The following SLC2A7 variants were observed in gnomAD, a reference collection of about 807,000 sequenced individuals.
The protein encoded by SLC2A7 is solute carrier family 2, facilitated glucose transporter member 7.
Under a neutral mutation model 50.5 loss-of-function variants are expected in SLC2A7, and 50 were observed. That is an observed-to-expected ratio of 0.99 (90% CI 0.79 to 1.25). SLC2A7 has a LOEUF of 1.25. Ranked by LOEUF, SLC2A7 falls within the 50% of genes most tolerant of loss-of-function variation. The pLI is 0.00. For synonymous variants in SLC2A7, 308 were observed against 300.4 expected, an observed-to-expected ratio of 1.03 and a Z score of -0.26; for missense variants, 683 against 679.1, an observed-to-expected ratio of 1.01 and a Z score of -0.06.
At chr1:9,025,120 C>G (rs1296436856) in intron 1 of SLC2A7, 46 bp from the exon 2 acceptor site, 2 of 1,593,846 alleles carry the variant, frequency 1.3e-6, no homozygotes, top group African/African-American at 1.3e-5. Context: ...GCTTGGGCCT[C>G]GGGAAGTGGA....
chr1:9,005,793 AAAAAAAAGAAGG>A (rs1640645814), intron 10 of SLC2A7, among the ~76,000 whole-genome samples: 1 of 151,762 alleles, frequency 6.6e-6, no homozygotes, highest in Non-Finnish European at 1.5e-5. Flanking sequence ...AAAAAAAAAA[AAAAAAAAGAAGG>A]AAAAAAAGAA....
chr1:9,021,229 C>T (rs1394416527), intron 3 of SLC2A7, among the ~76,000 whole-genome samples: 4 of 152,168 alleles, frequency 2.6e-5, no homozygotes, highest in Admixed American at 6.5e-5. Context: ...TGGCTGGTCT[C>T]GAACTCTTAG....
Position 9,015,224 on chromosome 1 carries a change from G to C in SLC2A7, c.608C>G (p.Ala203Gly), listed in dbSNP as rs777552375. ...CAGCAGGGCGGGCACCCCTGTGAGC[G>C]CCAGAAGCACCGGCCAGCCTGCAAG... ...GNPAGWPVLL[A>G]LTGVPALLQL... Residue 203 changes from alanine to glycine, a missense_variant, in exon 6 of 12, where the codon GCG (alanine) becomes GGG (glycine). Coordinates refer to ENST00000400906, the MANE Select transcript of SLC2A7 (RefSeq NM_207420.3). The C allele has an allele frequency of 2.4e-5, 39 of 1,600,956 alleles. No homozygotes were observed. Among genetic ancestry groups the C allele is most frequent in the Admixed American group, 3.4e-5 (2 of 58,590 alleles).
In SLC2A7 at chr1:9,008,744, A is replaced by G. The variant is rs529526908; in HGVS notation, c.1117-1359T>C. 2.0e-5 allele frequency among the ~76,000 whole-genome samples: 3 copies of G among 151,854 alleles called. No homozygotes were observed. Among genetic ancestry groups the G allele is most frequent in the Non-Finnish European group, 4.4e-5 (3 of 67,958 alleles). ...CCCGAGTAACTGGGATTACAGGCAC[A>G]CGCCACCACACCCGACTAAATTTTG... On this transcript the variant is annotated intron_variant, in intron 9 of 11. Transcript: ENST00000400906. The surrounding 1 kb of genome is among the most constrained non-coding windows in gnomAD (Gnocchi z 5.9).
At chr1:8,999,442 G>A (rs1360879330), downstream of SLC2A7, among the ~76,000 whole-genome samples, 2 of 152,262 alleles carry the variant, frequency 1.3e-5, no homozygotes, top group African/African-American at 4.8e-5. Context: ...TATTCTACTG[G>A]GCAGAAGCCA....
intron 4 of SLC2A7, 46 bp from the exon 5 acceptor site, chr1:9,018,421 A>G (rs1640863766): frequency 1.9e-6 from 3 of 1,608,680 alleles, no homozygotes; most frequent in Non-Finnish European, 1.7e-6. Context: ...CCGCAAACGC[A>G]GAATCTGAGA....
the SLC2A7 span, among the ~76,000 whole-genome samples, chr1:8,995,969 T>C: frequency 6.6e-6 from 1 of 152,080 alleles, no homozygotes. Context: ...GGTCTCAACA[T>C]CTCAGCCAGG....
downstream of SLC2A7, among the ~76,000 whole-genome samples, chr1:9,000,221 G>A (rs751945953): frequency 3.3e-5 from 5 of 152,130 alleles, no homozygotes; most frequent in Admixed American, 6.6e-5. Flanking sequence ...GCTTTGGGAG[G>A]CTGAGGTGGG....
Position 9,018,303 on chromosome 1 carries a change from G to A in SLC2A7, c.509C>T (p.Thr170Ile), listed in dbSNP as rs199637034. ...APKNLRGMVG[T>I]MTEVFVIVGV... ...AACGATGACGAAAACCTCGGTCATTGTTCCCACCATGCCTCTCAGGTTCTT... is the reference window on the plus strand; with the variant it reads ...AACGATGACGAAAACCTCGGTCATTATTCCCACCATGCCTCTCAGGTTCTT... Residue 170 changes from threonine (T) to isoleucine (I), a missense_variant, in exon 5 of 12, where the codon ACA becomes ATA. Coordinates refer to ENST00000400906, the MANE Select transcript of SLC2A7 (RefSeq NM_207420.3). 6.2e-5 allele frequency: 100 copies of A among 1,614,076 alleles called. 1 individual carries two copies. In the East Asian group the frequency reaches 2.2e-3, roughly 35 times the overall value.
downstream of SLC2A7, among the ~76,000 whole-genome samples, chr1:8,999,424 C>G (rs1273920598): frequency 6.6e-6 from 1 of 152,190 alleles, no homozygotes; most frequent in Non-Finnish European, 1.5e-5. Flanking sequence ...TATCCTGTCC[C>G]CTGGCTGTAT....
chr1:9,008,375 G>A lies in SLC2A7; in HGVS notation c.1117-990C>T, dbSNP rs558071555. On this transcript the variant is annotated intron_variant, in intron 9 of 11. Coordinates refer to ENST00000400906, the MANE Select transcript of SLC2A7 (RefSeq NM_207420.3). This position sits in a 1 kb window ranked among gnomAD's most constrained non-coding sequence, Gnocchi z 5.9. ...GCCATTCAACACTTCAAGCAAAAGC[G>A]AGGCTGGCTGGGTTGGTGGGGCCGC... is the stretch of plus-strand genomic sequence containing the variant. Among the ~76,000 whole-genome samples, 13 of 152,152 alleles carry A rather than the reference G, an allele frequency of 8.5e-5. No homozygotes were observed. Among genetic ancestry groups the A allele is most frequent in the Admixed American group, 4.6e-4 (7 of 15,272 alleles).
rs1448222472 is a variant in SLC2A7, at chr1:9,003,366, C to T, written c.1473G>A (p.Glu491=). 2 of 1,614,200 alleles carry T rather than the reference C, an allele frequency of 1.2e-6. No homozygotes were observed. The highest frequency in any genetic ancestry group is 1.7e-6 in the Non-Finnish European group (2 of 1,180,038). Residue 491 remains glutamate (E), a synonymous_variant, in exon 12 of 12, where the codon GAG becomes GAA. Coordinates refer to ENST00000400906, the MANE Select transcript of SLC2A7 (RefSeq NM_207420.3). ...CAGCATCAATGGTTTCTTCTTTCTCCTCTGGAAGCTTCACCCTGTTTCTCT... is the reference window on the plus strand; with the variant it reads ...CAGCATCAATGGTTTCTTCTTTCTCTTCTGGAAGCTTCACCCTGTTTCTCT... ...FAKRNRVKLP[E]EKEETIDAGP...
intron 5 of SLC2A7, among the ~76,000 whole-genome samples, chr1:9,016,228 C>T (rs1407447540): frequency 6.6e-6 from 1 of 152,230 alleles, no homozygotes; most frequent in African/African-American, 2.4e-5. Flanking sequence ...CTCTGAACCT[C>T]TTCAGGGTAC....
At chr1:9,017,882 C>T (rs961705344) in intron 5 of SLC2A7, among the ~76,000 whole-genome samples, 3 of 152,154 alleles carry the variant, frequency 2.0e-5, no homozygotes. Context: ...CATTGACTTC[C>T]CTCTGTACTG....
chr1:9,009,370 G>T (rs1181820767), intron 9 of SLC2A7, among the ~76,000 whole-genome samples: 2 of 152,178 alleles, frequency 1.3e-5, no homozygotes, highest in Admixed American at 1.3e-4. Flanking sequence ...ATACATACAG[G>T]CTGAGAACAC....
intron 9 of SLC2A7, among the ~76,000 whole-genome samples, chr1:9,007,602 C>T (rs935125963): frequency 8.5e-5 from 13 of 152,196 alleles, no homozygotes; most frequent in East Asian, 5.8e-4. Context: ...ACCTGATGAG[C>T]GTCATGGAGA....
downstream of SLC2A7, among the ~76,000 whole-genome samples, chr1:9,001,218 G>C (rs1255865998): frequency 6.6e-6 from 1 of 152,098 alleles, no homozygotes; most frequent in Non-Finnish European, 1.5e-5. Context: ...GGGTTTTGAA[G>C]GCTGGGTAGG....
At chr1:9,024,184 T>C (rs1640960752) in intron 2 of SLC2A7, among the ~76,000 whole-genome samples, 1 of 152,100 alleles carries the variant, frequency 6.6e-6, no homozygotes, top group Non-Finnish European at 1.5e-5. Context: ...TTTTACTAAT[T>C]GTGTGACTTC....
At position 9,008,026 on chromosome 1, in the gene SLC2A7, C is replaced by T. The variant is rs1640682673; in HGVS notation, c.1117-641G>A. The stretch of plus-strand genomic sequence containing the variant: ...AAGTCACCCAGTCAACATGAGTGAG[C>T]TGAGGTCCGGACTTTCTCTACCATT... On this transcript the variant is annotated intron_variant, in intron 9 of 11. Coordinates refer to ENST00000400906, the MANE Select transcript of SLC2A7 (RefSeq NM_207420.3). The surrounding 1 kb of genome is among the most constrained non-coding windows in gnomAD (Gnocchi z 5.9). Among the ~76,000 whole-genome samples the T allele has an allele frequency of 6.6e-6, 1 of 152,132 alleles. No homozygotes were observed. The highest frequency in any genetic ancestry group is 6.6e-5 in the Admixed American group (1 of 15,264).
Sources: allele counts gnomAD v4.1 joint callset (sites outside exome capture counted in the v4.1 genomes callset), GRCh38; gene constraint gnomAD v4.1.1; non-coding constraint Gnocchi (gnomAD v3.1); transcripts MANE v1.5; gene names NCBI Gene and HGNC (gene_info 2026-07-23, HGNC 2026-07-21).